Variants in TMEM132C observed in about 807,000 individuals in gnomAD.
TMEM132C encodes the protein protein phosphatase 1, regulatory subunit 152.
Under a neutral mutation model 61.4 loss-of-function variants are expected in TMEM132C, and 29 were observed. The observed-to-expected ratio is 0.47, with a 90% confidence interval of 0.35 to 0.64. TMEM132C has a LOEUF of 0.64. Among genes scored for constraint, TMEM132C ranks in the 30% least tolerant of loss-of-function variants. The probability of loss-of-function intolerance (pLI) is 0.00; values close to 1 mark genes in which losing one functional copy is unlikely to be tolerated. For synonymous variants in TMEM132C, 656 were observed against 633.1 expected, an observed-to-expected ratio of 1.04 and a Z score of -0.54; for missense variants, 1,408 against 1,476.9, an observed-to-expected ratio of 0.95 and a Z score of 0.76.
intron 3 of TMEM132C, among the ~76,000 whole-genome samples, chr12:128,561,967 C>T (rs1874537379): frequency 6.6e-6 from 1 of 152,018 alleles, no homozygotes; most frequent in Non-Finnish European, 1.5e-5. Flanking sequence ...GGCAGTGGGG[C>T]AGAGAAGAGA....
intron 1 of TMEM132C, among the ~76,000 whole-genome samples, chr12:128,279,039 C>T (rs1048448822): frequency 2.6e-5 from 4 of 152,106 alleles, no homozygotes; most frequent in African/African-American, 7.2e-5. Context: ...TGAGCCAATA[C>T]CTTAAAATAA....
At chr12:128,376,245 G>A (rs1168698022) in intron 1 of TMEM132C, among the ~76,000 whole-genome samples, 1 of 152,220 alleles carries the variant, frequency 6.6e-6, no homozygotes, top group Non-Finnish European at 1.5e-5. Context: ...AAAGTAACCA[G>A]GTGCATTGGA....
chr12:128,547,002 C>T (rs1026784297), intron 3 of TMEM132C, among the ~76,000 whole-genome samples: 1 of 152,180 alleles, frequency 6.6e-6, no homozygotes, highest in African/African-American at 2.4e-5. Flanking sequence ...GTCAGGCCAG[C>T]GAGTGCACCT....
intron 1 of TMEM132C, among the ~76,000 whole-genome samples, chr12:128,384,622 G>C (rs1396362144): frequency 6.6e-6 from 1 of 152,126 alleles, no homozygotes; most frequent in Non-Finnish European, 1.5e-5. Flanking sequence ...TAAAGCTTCT[G>C]GAAGTCAGAG....
At chr12:128,297,644 A>G (rs1457705268) in intron 1 of TMEM132C, among the ~76,000 whole-genome samples, 1 of 152,084 alleles carries the variant, frequency 6.6e-6, no homozygotes, top group Non-Finnish European at 1.5e-5. Context: ...TTCACCCCCA[A>G]ATCTTTTCAG....
chr12:128,695,529 GATA>G (rs1954753614), intron 6 of TMEM132C, among the ~76,000 whole-genome samples: 6 of 152,190 alleles, frequency 3.9e-5, no homozygotes, highest in Middle Eastern at 3.4e-3. Flanking sequence ...TCTCTAAAAA[GATA>G]ATAATAATTC....
intron 1 of TMEM132C, among the ~76,000 whole-genome samples, chr12:128,321,178 A>AATAATG (rs1555217334): frequency 6.8e-5 from 10 of 147,336 alleles, no homozygotes; most frequent in African/African-American, 2.3e-4. Flanking sequence ...TAATAATAAT[A>AATAATG]ATGCCAACAT....
chr12:128,456,059 G>A (rs1480640957), intron 2 of TMEM132C, among the ~76,000 whole-genome samples: 1 of 152,144 alleles, frequency 6.6e-6, no homozygotes, highest in Non-Finnish European at 1.5e-5. Context: ...GATGTGTTGA[G>A]GAGGATTCTG....
intron 1 of TMEM132C, among the ~76,000 whole-genome samples, chr12:128,272,208 C>T (rs1342607953): frequency 6.6e-6 from 1 of 152,226 alleles, no homozygotes. Flanking sequence ...ACCTCCAGTC[C>T]TGGCAACCAC....
chr12:128,685,251 G>A (rs1341527958), intron 5 of TMEM132C, among the ~76,000 whole-genome samples: 2 of 152,220 alleles, frequency 1.3e-5, no homozygotes, highest in African/African-American at 2.4e-5. Flanking sequence ...TTATAGTCAG[G>A]ATCATCCACA....
intron 3 of TMEM132C, among the ~76,000 whole-genome samples, chr12:128,606,635 C>A (rs1013583331): frequency 1.3e-5 from 2 of 151,088 alleles, no homozygotes; most frequent in Admixed American, 6.5e-5. Context: ...CAGAGGGGCC[C>A]CTAGTGTGTC....
intron 2 of TMEM132C, among the ~76,000 whole-genome samples, chr12:128,497,491 T>TC (rs771472157): frequency 1.6e-4 from 24 of 152,284 alleles, no homozygotes; most frequent in Non-Finnish European, 2.9e-4. Context: ...AGTTCGAGCT[T>TC]CCCGTCAGCT....
intron 3 of TMEM132C, among the ~76,000 whole-genome samples, chr12:128,588,456 A>T (rs916386436): frequency 6.6e-6 from 1 of 152,138 alleles, no homozygotes. Context: ...ATTAAAAAAA[A>T]TCTGTTTCCA....
chr12:128,478,270 A>G (rs1392474015), intron 2 of TMEM132C, among the ~76,000 whole-genome samples: 1 of 152,202 alleles, frequency 6.6e-6, no homozygotes, highest in Non-Finnish European at 1.5e-5. Context: ...CTGTTTATTG[A>G]AAAACACTGA....
chr12:128,446,458 C>A (rs912585776), intron 2 of TMEM132C, among the ~76,000 whole-genome samples: 1 of 152,254 alleles, frequency 6.6e-6, no homozygotes, highest in East Asian at 1.9e-4. Context: ...GGAGGCCACA[C>A]ATTTGCAAAT....
chr12:128,409,438 A>G (rs1234851931), intron 1 of TMEM132C, among the ~76,000 whole-genome samples: 2 of 152,142 alleles, frequency 1.3e-5, no homozygotes, highest in Non-Finnish European at 2.9e-5. Flanking sequence ...CAGCGGGCTC[A>G]GTGTAGGATG....
At chr12:128,423,915 A>G (rs1015388514) in intron 2 of TMEM132C, among the ~76,000 whole-genome samples, 2 of 151,700 alleles carry the variant, frequency 1.3e-5, no homozygotes, top group African/African-American at 4.8e-5. Context: ...GCGTGGTGGC[A>G]GGTACCTGTA....
intron 1 of TMEM132C, among the ~76,000 whole-genome samples, chr12:128,336,668 G>A (rs1872798860): frequency 6.6e-6 from 1 of 152,160 alleles, no homozygotes; most frequent in African/African-American, 2.4e-5. Context: ...TTAGCCATCT[G>A]TCTGTCCCTA....
intron 3 of TMEM132C, among the ~76,000 whole-genome samples, chr12:128,592,341 C>T (rs1463245294): frequency 1.3e-5 from 2 of 152,218 alleles, no homozygotes; most frequent in Non-Finnish European, 2.9e-5. Context: ...CTCCTAACCC[C>T]AGGGGAACAG....
Sources: gnomAD v4.1 joint callset for allele counts (sites outside exome capture counted in the v4.1 genomes callset) on GRCh38, gnomAD v4.1.1 for gene constraint, MANE v1.5 for transcripts, NCBI Gene and HGNC (gene_info 2026-07-23, HGNC 2026-07-21) for gene names.